PAPSS1: variants seen among roughly 807,000 people sequenced by gnomAD.
PAPSS1 encodes the protein bifunctional 3'-phosphoadenosine 5'-phosphosulfate synthase 1.
In PAPSS1, 50 loss-of-function variants were observed where a neutral mutation model predicts 72.0. That is an observed-to-expected ratio of 0.69 (90% CI 0.55 to 0.88). The LOEUF is 0.88. PAPSS1 is among the 40% of genes least tolerant of loss of function. PAPSS1 has a pLI of 0.00. For missense variants in PAPSS1, 657 were observed against 782.2 expected (o/e 0.84, Z 1.91); for synonymous variants, 261 against 263.6 (o/e 0.99, Z 0.09).
At chr4:107,645,151 C>G (rs151273756) in intron 9 of PAPSS1, 81 bp from the exon 10 acceptor site, 4 of 1,110,344 alleles carry the variant, frequency 3.6e-6, no homozygotes, top group Non-Finnish European at 4.8e-6. Flanking sequence ...TTTCTTAAAA[C>G]TTGATACTTA....
At chr4:107,680,706 T>G (rs1353330998) in intron 5 of PAPSS1, among the ~76,000 whole-genome samples, 1 of 152,136 alleles carries the variant, frequency 6.6e-6, no homozygotes, top group East Asian at 1.9e-4. Context: ...TGGTTGATGA[T>G]GGAAGATGAA....
At chr4:107,692,832 T>A (rs1295373409) in intron 3 of PAPSS1, among the ~76,000 whole-genome samples, 1 of 151,912 alleles carries the variant, frequency 6.6e-6, no homozygotes, top group Non-Finnish European at 1.5e-5. Context: ...AGGAATGATA[T>A]CATGTCCTTT....
chr4:107,648,165 A>T (rs1726741178), intron 9 of PAPSS1, among the ~76,000 whole-genome samples: 1 of 152,234 alleles, frequency 6.6e-6, no homozygotes, highest in African/African-American at 2.4e-5. Flanking sequence ...TAAGGAAACA[A>T]GTGAAGTCTG....
chr4:107,686,231 G>A (rs1400315218), intron 4 of PAPSS1, among the ~76,000 whole-genome samples: 2 of 151,532 alleles, frequency 1.3e-5, no homozygotes, highest in Non-Finnish European at 2.9e-5. Flanking sequence ...GTAATCATGC[G>A]GATTTGTTCC....
At chr4:107,655,703 AATG>A (rs780200226) in intron 7 of PAPSS1, among the ~76,000 whole-genome samples, 15 of 152,342 alleles carry the variant, frequency 9.8e-5, no homozygotes, top group Admixed American at 3.9e-4. Context: ...CAACGAGAGT[AATG>A]ATAACTGCTT....
At chr4:107,719,480 C>T (rs575071108) in intron 1 of PAPSS1, among the ~76,000 whole-genome samples, 1 of 152,352 alleles carries the variant, frequency 6.6e-6, no homozygotes, top group Admixed American at 6.5e-5. Context: ...ACCTGACTGT[C>T]ACCAGGAATG....
intron 11 of PAPSS1, among the ~76,000 whole-genome samples, chr4:107,622,025 T>C (rs985708798): frequency 2.6e-5 from 4 of 152,172 alleles, no homozygotes; most frequent in African/African-American, 9.7e-5. Flanking sequence ...CCTGGACTGC[T>C]CTACATATGC....
At position 107,687,173 on chromosome 4, in the gene PAPSS1, C is replaced by T. The variant is rs867093052; in HGVS notation, c.416G>A (p.Arg139His). 4 of 1,549,168 alleles carry T rather than the reference C, an allele frequency of 2.6e-6. No homozygotes were observed. Among genetic ancestry groups the T allele is most frequent in the Non-Finnish European group, 3.5e-6 (4 of 1,157,050 alleles). ...TTCATGAATTTGCCTTGCATTGTTGCGATCCTTAAAAAAAAATAAAATAAA... is the reference window on the plus strand; with the variant it reads ...TTCATGAATTTGCCTTGCATTGTTGTGATCCTTAAAAAAAAATAAAATAAA... ...TSFISPYTQD[R>H]NNARQIHEGA... Residue 139 changes from arginine (R) to histidine (H), a missense_variant, in exon 4 of 12, where the codon CGC becomes CAC. Transcript: ENST00000265174.
rs546794102 is a variant in PAPSS1 at position 107,691,943 on chromosome 4, G to A, written c.411+1828C>T. Reference sequence around the variant, plus strand: ...CAAACCTGACAAAAACAAGCAGTGGGAAAGGATTCTCTATTTAATAAATGG... The same window carrying A: ...CAAACCTGACAAAAACAAGCAGTGGAAAAGGATTCTCTATTTAATAAATGG... On this transcript the variant is annotated intron_variant, in intron 3 of 11. Coordinates refer to ENST00000265174, the MANE Select transcript of PAPSS1 (RefSeq NM_005443.5). Among the ~76,000 whole-genome samples the A allele has an allele frequency of 1.6e-4, 24 of 146,998 alleles. No homozygotes were observed. The South Asian group carries it at 5.5e-3, about 34-fold the overall frequency.
At chr4:107,676,826 C>T (rs1727664337) in intron 5 of PAPSS1, among the ~76,000 whole-genome samples, 1 of 152,094 alleles carries the variant, frequency 6.6e-6, no homozygotes, top group South Asian at 2.1e-4. Flanking sequence ...AGTACTGGTA[C>T]CAAAACAGAG....
chr4:107,651,852 T>C (rs1726847792), intron 9 of PAPSS1, among the ~76,000 whole-genome samples: 1 of 152,178 alleles, frequency 6.6e-6, no homozygotes, highest in Non-Finnish European at 1.5e-5. Flanking sequence ...ACATCTTATT[T>C]CACTTTTTAA....
At chr4:107,667,873 AG>A (rs1263004620) in intron 5 of PAPSS1, among the ~76,000 whole-genome samples, 19 of 152,212 alleles carry the variant, frequency 1.2e-4, no homozygotes, top group Middle Eastern at 3.2e-3. Flanking sequence ...AGCTGGACAC[AG>A]GTATGAGCAG....
chr4:107,659,883 G>T, intron 6 of PAPSS1, 76 bp downstream of exon 6: 1 of 781,612 alleles, frequency 1.3e-6, no homozygotes, highest in Non-Finnish European at 2.1e-6. Context: ...CTCAAATACT[G>T]CTATAAGTCA....
chr4:107,690,244 C>T (rs1384273613), intron 3 of PAPSS1, among the ~76,000 whole-genome samples: 1 of 152,138 alleles, frequency 6.6e-6, no homozygotes, highest in Non-Finnish European at 1.5e-5. Context: ...CACCACCTAG[C>T]CTCTGCAAAT....
chr4:107,658,251 T>C (rs1326830455), intron 6 of PAPSS1, among the ~76,000 whole-genome samples: 1 of 130,278 alleles, frequency 7.7e-6, no homozygotes, highest in Non-Finnish European at 1.6e-5. Flanking sequence ...AAAAAAAAGG[T>C]GTATAGAATT....
chr4:107,662,576 T>C (rs1727211159), intron 5 of PAPSS1, among the ~76,000 whole-genome samples: 1 of 149,714 alleles, frequency 6.7e-6, no homozygotes, highest in African/African-American at 2.5e-5. Context: ...TTATACATAA[T>C]ACCAGGAGGG....
chr4:107,648,614 G>A (rs1726753987), intron 9 of PAPSS1, among the ~76,000 whole-genome samples: 1 of 152,212 alleles, frequency 6.6e-6, no homozygotes, highest in African/African-American at 2.4e-5. Context: ...ACATAGAGCA[G>A]TAATTAGTAA....
intron 5 of PAPSS1, among the ~76,000 whole-genome samples, chr4:107,677,387 G>A (rs1465954657): frequency 1.2e-4 from 18 of 152,048 alleles, no homozygotes; most frequent in Non-Finnish European, 2.1e-4. Flanking sequence ...ATATGAACAG[G>A]CACTTCTCAA....
intron 10 of PAPSS1, among the ~76,000 whole-genome samples, chr4:107,637,465 T>A (rs940852807): frequency 2.6e-5 from 4 of 152,182 alleles, no homozygotes; most frequent in Non-Finnish European, 4.4e-5. Flanking sequence ...CCACTACCAC[T>A]AAACCATTCT....
Sources: allele counts gnomAD v4.1 joint callset (sites outside exome capture counted in the v4.1 genomes callset), GRCh38; gene constraint gnomAD v4.1.1; transcripts MANE v1.5; gene names NCBI Gene and HGNC (gene_info 2026-07-23, HGNC 2026-07-21).